Variants in COL22A1 observed in about 807,000 individuals in gnomAD.
The protein encoded by COL22A1 is collagen alpha-1(XXII) chain.
Under a neutral mutation model 248.9 loss-of-function variants are expected in COL22A1, and 221 were observed. The observed-to-expected ratio is 0.89, with a 90% CI of 0.80 to 0.99. The LOEUF (loss-of-function observed/expected upper bound fraction) is 0.99, where lower values mean the gene tolerates loss of function less well. Among genes scored for constraint, COL22A1 ranks in the 50% least tolerant of loss-of-function variants. The probability of loss-of-function intolerance (pLI) is 0.00; values close to 1 mark genes in which losing one functional copy is unlikely to be tolerated. For synonymous variants in COL22A1, 891 were observed against 793.4 expected, an observed-to-expected ratio of 1.12 and a Z score of -2.07; for missense variants, 2,240 against 2,179.0, an observed-to-expected ratio of 1.03 and a Z score of -0.56.
At chr8:138,637,060 T>C (rs143497890) in intron 47 of COL22A1, among the ~76,000 whole-genome samples, 172 of 152,216 alleles carry the variant, frequency 1.1e-3, no homozygotes, top group African/African-American at 3.9e-3. Context: ...GCAGGGCTCA[T>C]TTCTTTGAGA....
chr8:138,664,209 GCACA>G (rs1173353118), intron 41 of COL22A1, among the ~76,000 whole-genome samples: 13,905 of 102,632 alleles, frequency 0.14, 1,184 homozygotes, highest in Non-Finnish European at 0.17. Flanking sequence ...GCGCGCGCGC[GCACA>G]CACACACACA....
intron 56 of COL22A1, among the ~76,000 whole-genome samples, chr8:138,613,108 C>T (rs1167829411): frequency 2.0e-5 from 3 of 151,690 alleles, no homozygotes; most frequent in South Asian, 2.1e-4. Flanking sequence ...TTTAGCCGGG[C>T]GTGGTGGTGG....
At chr8:138,806,026 G>GTGA (rs1817604982) in intron 10 of COL22A1, among the ~76,000 whole-genome samples, 4 of 134,086 alleles carry the variant, frequency 3.0e-5, no homozygotes, top group Admixed American at 7.5e-5. Context: ...GTAATGGTGT[G>GTGA]TGGTTGTGTG....
At chr8:138,751,532 A>G (rs771416348) in intron 21 of COL22A1, 21 bp from the exon 22 acceptor site, 2 of 1,574,098 alleles carry the variant, frequency 1.3e-6, no homozygotes, top group African/African-American at 2.7e-5. Flanking sequence ...GAGAAAAAGG[A>G]AAAAGAGAGA....
At position 138,898,268 on chromosome 8, in the gene COL22A1, C is replaced by T. The variant is rs549544843; in HGVS notation, c.-72-15024G>A. Among the ~76,000 whole-genome samples the T allele has an allele frequency of 1.9e-4, 29 of 152,322 alleles. 1 individual carries two copies. The South Asian group carries it at 5.8e-3, about 30-fold the overall frequency. ...AAAACAGATCCCCAGAAAGACAAAG[C>T]TCCTTGCACCATCCCAGTATTGTGA... is the stretch of plus-strand genomic sequence containing the variant. On this transcript the variant is annotated intron_variant, in intron 1 of 64. Transcript: ENST00000303045.
At chr8:138,674,021 T>C (rs4392949) in intron 41 of COL22A1, among the ~76,000 whole-genome samples, 1 of 152,172 alleles carries the variant, frequency 6.6e-6, no homozygotes, top group Non-Finnish European at 1.5e-5. Flanking sequence ...GTACCCACGG[T>C]GGCCTTCTGC....
chr8:138,783,753 C>T (rs1049895642), intron 12 of COL22A1, among the ~76,000 whole-genome samples: 1 of 152,152 alleles, frequency 6.6e-6, no homozygotes, highest in Non-Finnish European at 1.5e-5. Flanking sequence ...AGAGCATTTC[C>T]AAAGGAAATG....
At chr8:138,686,285 C>T (rs1250037527) in intron 37 of COL22A1, among the ~76,000 whole-genome samples, 1 of 152,182 alleles carries the variant, frequency 6.6e-6, no homozygotes, top group Non-Finnish European at 1.5e-5. Flanking sequence ...CAGGCCAGTG[C>T]TTCATCTTCT....
chr8:138,676,719 G>T, intron 40 of COL22A1, 84 bp from the exon 41 acceptor site: 1 of 1,039,986 alleles, frequency 9.6e-7, no homozygotes. Context: ...GCTTCTTCTA[G>T]AATCCTGACT....
chr8:138,618,110 A>C (rs993099052), intron 53 of COL22A1, among the ~76,000 whole-genome samples: 2 of 152,164 alleles, frequency 1.3e-5, no homozygotes, highest in Non-Finnish European at 2.9e-5. Flanking sequence ...GGAACGTTAC[A>C]TGTCCTACCT....
At chr8:138,867,517 G>T (rs1032420589) in intron 3 of COL22A1, among the ~76,000 whole-genome samples, 6 of 152,174 alleles carry the variant, frequency 3.9e-5, no homozygotes, top group Admixed American at 3.9e-4. Flanking sequence ...TATCATTTCA[G>T]ATTACAGACA....
chr8:138,913,964 G>A lies in COL22A1; in HGVS notation c.-418C>T, dbSNP rs1352392535. The A allele has an allele frequency of 6.5e-6, 1 of 152,870 alleles. No individual in the cohort carries two copies. Among genetic ancestry groups the A allele is most frequent in the Non-Finnish European group, 1.5e-5 (1 of 68,604 alleles). 9.5% of individuals were successfully genotyped at this position (152,870 alleles called of 1,614,324 possible). A position where few individuals can be genotyped will look rare whatever the true frequency, so the allele number is the denominator to read the frequency against. Reference sequence around the variant, plus strand: ...GGAAAGCGGAGAAGACACTTCCTTGGGGAGAAACGCCGCAGCCTCGGCCAG... The same window carrying A: ...GGAAAGCGGAGAAGACACTTCCTTGAGGAGAAACGCCGCAGCCTCGGCCAG... On this transcript the variant is annotated 5_prime_UTR_variant, in exon 1 of 65. Transcript: ENST00000303045.
chr8:138,698,827 G>A (rs561809893), intron 32 of COL22A1, among the ~76,000 whole-genome samples: 1 of 149,914 alleles, frequency 6.7e-6, no homozygotes, highest in Non-Finnish European at 1.5e-5. Flanking sequence ...CCCGCCCTGC[G>A]GGTGAGGGAG....
intron 1 of COL22A1, among the ~76,000 whole-genome samples, chr8:138,885,768 G>A (rs1824618882): frequency 6.6e-6 from 1 of 152,010 alleles, no homozygotes; most frequent in African/African-American, 2.4e-5. Context: ...ACTCCATGTT[G>A]GTGAGGCTGG....
At chr8:138,851,770 A>T (rs2131904353) in intron 3 of COL22A1, among the ~76,000 whole-genome samples, 1 of 152,250 alleles carries the variant, frequency 6.6e-6, no homozygotes, top group Non-Finnish European at 1.5e-5. Context: ...TTTAATGAAC[A>T]CCCAGTATGC....
At chr8:138,861,840 A>C (rs1318151712) in intron 3 of COL22A1, among the ~76,000 whole-genome samples, 1 of 152,180 alleles carries the variant, frequency 6.6e-6, no homozygotes, top group Non-Finnish European at 1.5e-5. Flanking sequence ...AAATTCATCA[A>C]GCCGTACAGT....
intron 17 of COL22A1, 81 bp from the exon 18 acceptor site, chr8:138,760,368 G>T: frequency 7.6e-7 from 1 of 1,317,510 alleles, no homozygotes; most frequent in South Asian, 1.4e-5. Flanking sequence ...CAGGTTGAAA[G>T]ACAGCTGCCC....
intron 23 of COL22A1, 38 bp downstream of exon 23, chr8:138,737,486 G>A (rs1318710966): frequency 2.8e-6 from 4 of 1,439,830 alleles, no homozygotes; most frequent in African/African-American, 1.4e-5. Flanking sequence ...TCAGAGAAAA[G>A]CAGCGTTGCT....
intron 1 of COL22A1, among the ~76,000 whole-genome samples, chr8:138,895,815 C>T (rs1825373082): frequency 6.6e-6 from 1 of 152,114 alleles, no homozygotes; most frequent in South Asian, 2.1e-4. Flanking sequence ...TCCTATTTAT[C>T]CCCAAACAGA....
Sources: allele counts gnomAD v4.1 joint callset (sites outside exome capture counted in the v4.1 genomes callset), GRCh38; gene constraint gnomAD v4.1.1; transcripts MANE v1.5; gene names NCBI Gene and HGNC (gene_info 2026-07-23, HGNC 2026-07-21).